Variants in ARIH2 observed in about 807,000 individuals in gnomAD.
The protein encoded by ARIH2 is ariadne RBR E3 ubiquitin protein ligase 2, also known as E3 ubiquitin-protein ligase ARIH2.
In ARIH2, 12 loss-of-function variants were observed where a neutral mutation model predicts 79.8. The ratio of observed to expected loss-of-function variants is 0.15; its 90% CI spans 0.10 to 0.24. ARIH2 has a LOEUF of 0.24. Ranked by LOEUF, ARIH2 falls within the 10% of genes least tolerant of loss-of-function variation. The pLI is 1.00. For missense variants in ARIH2, 301 were observed against 618.3 expected (o/e 0.49, Z 5.44); for synonymous variants, 224 against 213.9 (o/e 1.05, Z -0.41).
At position 48,984,369 on chromosome 3, in the gene ARIH2, C is replaced by A. The variant is rs1186003092; in HGVS notation, c.*1099C>A. ...ATTTTCATGTTACCTGGAGAGTGTC[C>A]AGAGGCTGCTCTGAGGCTGAGGTGT... On this transcript the variant is annotated 3_prime_UTR_variant, in exon 16 of 16. Coordinates refer to ENST00000356401, the MANE Select transcript of ARIH2 (RefSeq NM_006321.4). The A allele has an allele frequency of 6.6e-6, 1 of 152,652 alleles. No individual in the cohort carries two copies. Among genetic ancestry groups the A allele is most frequent in the Non-Finnish European group, 1.5e-5 (1 of 68,108 alleles). The allele number at this position is 152,652 out of a possible 1,614,324, so 9.5% of individuals were successfully genotyped here.
At chr3:48,969,923 C>T (rs1215463534) in intron 7 of ARIH2, among the ~76,000 whole-genome samples, 1 of 149,464 alleles carries the variant, frequency 6.7e-6, no homozygotes, top group Non-Finnish European at 1.5e-5. Flanking sequence ...TGGAGTCTCA[C>T]TCTGTCACCG....
chr3:48,974,703 C>G (rs1432647676), intron 9 of ARIH2, 114 bp from the exon 10 acceptor site: 2 of 1,061,312 alleles, frequency 1.9e-6, no homozygotes, highest in East Asian at 2.4e-5. Flanking sequence ...GTGCTCCTCC[C>G]CAGAAGTGCT....
At chr3:48,949,402 C>T (rs1196511896) in intron 3 of ARIH2, among the ~76,000 whole-genome samples, 1 of 152,186 alleles carries the variant, frequency 6.6e-6, no homozygotes, top group Non-Finnish European at 1.5e-5. Flanking sequence ...CCATCGTGCC[C>T]AGCCGTGTTT....
rs114183302 is a variant in ARIH2 at position 48,974,671 on chromosome 3, C to T, written c.889-146C>T. 9.9e-3 allele frequency: 7,624 copies of T among 767,864 alleles called. 60 individuals are homozygous for T. Among genetic ancestry groups the T allele is most frequent in the South Asian group, 0.015 (1,012 of 66,902 alleles). 47.6% of individuals were successfully genotyped at this position (767,864 alleles called of 1,614,324 possible). A position where few individuals can be genotyped will look rare whatever the true frequency, so the allele number is the denominator to read the frequency against. ...CCTTGAATTGCTGTTCCAGCCTCAG[C>T]GACCTGCCACATTTAAGTGAGGTGC... On this transcript the variant is annotated intron_variant, in intron 9 of 15. Coordinates refer to ENST00000356401, the MANE Select transcript of ARIH2 (RefSeq NM_006321.4).
At chr3:48,958,915 T>A (rs1364169315) in intron 3 of ARIH2, among the ~76,000 whole-genome samples, 1 of 151,834 alleles carries the variant, frequency 6.6e-6, no homozygotes, top group Non-Finnish European at 1.5e-5. Flanking sequence ...CTCAGGAGGC[T>A]GAGCTGGGAG....
chr3:48,942,913 A>T (rs2088539812), intron 3 of ARIH2, among the ~76,000 whole-genome samples: 1 of 151,980 alleles, frequency 6.6e-6, no homozygotes, highest in South Asian at 2.1e-4. Context: ...ATCCTCCCAA[A>T]GTGCTGGAAT....
chr3:48,971,535 C>T (rs192009119), intron 8 of ARIH2, among the ~76,000 whole-genome samples: 17 of 152,260 alleles, frequency 1.1e-4, no homozygotes, highest in East Asian at 3.9e-4. Context: ...GAGCCAACCG[C>T]GCCTAGCCAT....
At chr3:48,964,482 A>G (rs1177847605) in intron 4 of ARIH2, among the ~76,000 whole-genome samples, 2 of 149,606 alleles carry the variant, frequency 1.3e-5, no homozygotes, top group African/African-American at 4.9e-5. Flanking sequence ...TGCCCAGCTA[A>G]TTTTTGTATT....
intron 3 of ARIH2, among the ~76,000 whole-genome samples, chr3:48,932,994 A>G (rs553646985): frequency 6.6e-6 from 1 of 152,324 alleles, no homozygotes; most frequent in Non-Finnish European, 1.5e-5. Context: ...ATAGGTAGAA[A>G]GGAATATTAT....
intron 3 of ARIH2, among the ~76,000 whole-genome samples, chr3:48,952,539 T>G (rs2090093040): frequency 6.6e-6 from 1 of 152,140 alleles, no homozygotes; most frequent in Non-Finnish European, 1.5e-5. Context: ...AAGATGCCTT[T>G]CCATGTGAGT....
Position 48,954,582 on chromosome 3 carries a change from G to C in ARIH2, c.256-7030G>C, listed in dbSNP as rs117136534. 3.0e-3 allele frequency among the ~76,000 whole-genome samples: 452 copies of C among 152,288 alleles called. 4 individuals carry two copies. Among genetic ancestry groups the C allele is most frequent in the African/African-American group, 9.9e-3 (412 of 41,560 alleles). On this transcript the variant is annotated intron_variant, in intron 3 of 15. Coordinates refer to ENST00000356401, the MANE Select transcript of ARIH2 (RefSeq NM_006321.4). ...TTGAGCCACCACACCCAGCCTGTAA[G>C]TATTCTTTACTCATGGTTTTGTGAA...
chr3:48,938,930 A>C (rs1043369212), intron 3 of ARIH2, among the ~76,000 whole-genome samples: 8 of 150,930 alleles, frequency 5.3e-5, no homozygotes, highest in South Asian at 2.1e-4. Flanking sequence ...AAAAAAAAAA[A>C]AAAAAAAAAC....
chr3:48,974,706 G>A (rs2092413733), intron 9 of ARIH2, 111 bp from the exon 10 acceptor site: 3 of 1,081,532 alleles, frequency 2.8e-6, no homozygotes, highest in Non-Finnish European at 2.9e-6. Context: ...CTCCTCCCCA[G>A]AAGTGCTCAC....
In ARIH2 at chr3:48,978,421, ATGTGTGTGTGTGTGTG is replaced by A. The variant is rs1188251261; in HGVS notation, c.962-1031_962-1016del. ...GCCACCACACCTGGCTAATTTGTGT[ATGTGTGTGTGTGTGTG>A]TGTGTGTGTGTGTGTGTGTGTGTGT... On this transcript the variant is annotated intron_variant, in intron 11 of 15. Coordinates refer to ENST00000356401, the MANE Select transcript of ARIH2 (RefSeq NM_006321.4). Among the ~76,000 whole-genome samples, 34 of 55,792 alleles carry A rather than the reference ATGTGTGTGTGTGTGTG, an allele frequency of 6.1e-4. 1 individual carries two copies. Among genetic ancestry groups the A allele is most frequent in the East Asian group, 2.0e-3 (2 of 1,002 alleles). The allele number at this position is 55,792 out of a possible 152,430, so 36.6% of individuals were successfully genotyped here.
Position 48,919,426 on chromosome 3 carries a change from C to T in ARIH2, c.-162+428C>T, listed in dbSNP as rs2084430233. 13 of 337,854 alleles carry T rather than the reference C, an allele frequency of 3.8e-5. No individual in the cohort carries two copies. The East Asian group carries it at 6.1e-4, about 16-fold the overall frequency. 20.9% of individuals were successfully genotyped at this position (337,854 alleles called of 1,614,324 possible). On this transcript the variant is annotated intron_variant, in intron 1 of 15. Transcript: ENST00000356401. The stretch of plus-strand genomic sequence containing the variant: ...CGGGCTCCGCGTCCGCGCGAATATC[C>T]CGGAGCCCGCGGCGCCCCTAGGGAT...
intron 14 of ARIH2, among the ~76,000 whole-genome samples, chr3:48,982,533 G>A (rs531181798): frequency 6.6e-6 from 1 of 152,220 alleles, no homozygotes; most frequent in South Asian, 2.1e-4. Flanking sequence ...TTTGCTGGAG[G>A]ACTGAAAAAA....
Position 48,967,181 on chromosome 3 carries a change from G to T in ARIH2, c.444G>T (p.Lys148Asn), listed in dbSNP as rs1202802481. ...HCAVCMQFVRKENLLSLACQH... is the reference protein window; with the variant it reads ...HCAVCMQFVRNENLLSLACQH... ...CAGTGTGTATGCAGTTTGTGCGAAA[G>T]GAAAACCTACTCTCTCTGGCCTGTC... The change falls in exon 6 of 16, where the codon AAG (lysine) becomes AAT (asparagine). Residue 148 changes from lysine to asparagine, a missense_variant. Lys to Asn is a moderately conservative substitution (Grantham distance 94). Around this residue, in one of 2 missense-constraint regions of ARIH2, gnomAD observed 223 missense variants for 349.4 expected, o/e 0.64. Coordinates refer to ENST00000356401, the MANE Select transcript of ARIH2 (RefSeq NM_006321.4). 6.2e-7 allele frequency: 1 copy of T among 1,614,204 alleles called. No homozygotes were observed. The highest frequency in any genetic ancestry group is 1.1e-5 in the South Asian group (1 of 91,084).
At chr3:48,963,840 G>A (rs1483379454) in intron 4 of ARIH2, among the ~76,000 whole-genome samples, 1 of 151,958 alleles carries the variant, frequency 6.6e-6, no homozygotes. Context: ...ATGTTTAATG[G>A]CCATTTGTGC....
At chr3:48,929,645 AT>A (rs1054049743) in intron 3 of ARIH2, among the ~76,000 whole-genome samples, 11 of 152,254 alleles carry the variant, frequency 7.2e-5, no homozygotes, top group Admixed American at 5.9e-4. Context: ...CTGTTCACAC[AT>A]TTTGGCATGA....
Sources: allele counts gnomAD v4.1 joint callset (sites outside exome capture counted in the v4.1 genomes callset), GRCh38; gene constraint gnomAD v4.1.1; regional missense constraint gnomAD v4.1.1; transcripts MANE v1.5; gene names NCBI Gene and HGNC (gene_info 2026-07-23, HGNC 2026-07-21).